The following CELF2 variants were observed in gnomAD, a reference collection of about 807,000 sequenced individuals.
CELF2 encodes CUGBP Elav-like family member 2, also known as CUG triplet repeat RNA-binding protein 2.
Under a neutral mutation model 62.6 loss-of-function variants are expected in CELF2, and 8 were observed. The ratio of observed to expected loss-of-function variants is 0.13; its 90% CI spans 0.07 to 0.23. The LOEUF (loss-of-function observed/expected upper bound fraction) is 0.23. Ranked by LOEUF, CELF2 falls within the 10% of genes least tolerant of loss-of-function variation. The pLI is 1.00. For synonymous variants in CELF2, 258 were observed against 250.0 expected, an observed-to-expected ratio of 1.03 and a Z score of -0.30; for missense variants, 333 against 671.0, an observed-to-expected ratio of 0.50 and a Z score of 5.56.
At position 11,315,849 on chromosome 10, in the gene CELF2, G is replaced by A. The variant is rs1041276064; in HGVS notation, c.1096+1591G>A. On this transcript the variant is annotated intron_variant, in intron 10 of 12. Transcript: ENST00000633077. This position sits in a 1 kb window ranked among gnomAD's most constrained non-coding sequence, Gnocchi z 5.8. The stretch of plus-strand genomic sequence containing the variant: ...ACCTAGGTCGAGGACGCGTGTGCTC[G>A]CACACATCCCCTCATGCTGCTTCTC... Among the ~76,000 whole-genome samples, 2 of 152,194 alleles carry A rather than the reference G, an allele frequency of 1.3e-5. No individual in the cohort carries two copies. Among genetic ancestry groups the A allele is most frequent in the African/African-American group, 2.4e-5 (1 of 41,450 alleles).
chr10:11,157,098 C>G lies in CELF2; in HGVS notation c.75-8388C>G, dbSNP rs1299444355. On this transcript the variant is annotated intron_variant, in intron 1 of 12. Coordinates refer to ENST00000633077, the MANE Select transcript of CELF2 (RefSeq NM_001326342.2). This position sits in a 1 kb window ranked among gnomAD's most constrained non-coding sequence, Gnocchi z 4.9. ...TGGAAGGTCCTTTGCGGAACAGGCT[C>G]CAGGGGGTGGCATTTCAAGAGCAGG... Among the ~76,000 whole-genome samples, 1 of 151,966 alleles carries G rather than the reference C, an allele frequency of 6.6e-6. No homozygotes were observed. Among genetic ancestry groups the G allele is most frequent in the African/African-American group, 2.4e-5 (1 of 41,350 alleles).
At chr10:10,723,280 G>T in the CELF2 span, among the ~76,000 whole-genome samples, 1 of 152,092 alleles carries the variant, frequency 6.6e-6, no homozygotes, top group Admixed American at 6.6e-5. Flanking sequence ...TAAAGTAAAC[G>T]TCAACTATGT....
chr10:10,937,804 G>A (rs1461399572), intron 2 of CELF2, among the ~76,000 whole-genome samples: 1 of 152,162 alleles, frequency 6.6e-6, no homozygotes, highest in Non-Finnish European at 1.5e-5. Context: ...GCTGTAGACA[G>A]TGTAAGTCTA....
At chr10:10,767,644 A>G in the CELF2 span, among the ~76,000 whole-genome samples, 3 of 152,140 alleles carry the variant, frequency 2.0e-5, no homozygotes, top group Non-Finnish European at 2.9e-5. Context: ...TTATCTCCCA[A>G]GGGGCCATAT....
At chr10:10,573,415 C>G in the CELF2 span, among the ~76,000 whole-genome samples, 1 of 152,212 alleles carries the variant, frequency 6.6e-6, no homozygotes, top group East Asian at 1.9e-4. Flanking sequence ...ATCATGAAAT[C>G]TTTGCCTTTA....
At chr10:10,848,469 C>G (rs373544515) in intron 1 of CELF2, among the ~76,000 whole-genome samples, 12 of 152,096 alleles carry the variant, frequency 7.9e-5, no homozygotes, top group East Asian at 3.9e-4. Context: ...ACCAGAAGAC[C>G]GCTTCTTGGG....
At chr10:10,965,468 G>A (rs1158487388) in intron 2 of CELF2, among the ~76,000 whole-genome samples, 1 of 152,194 alleles carries the variant, frequency 6.6e-6, no homozygotes, top group Non-Finnish European at 1.5e-5. Flanking sequence ...GCATGGATTA[G>A]AATCACCTAG....
At chr10:11,155,823 C>T (rs2064257374) in intron 1 of CELF2, among the ~76,000 whole-genome samples, 1 of 152,212 alleles carries the variant, frequency 6.6e-6, no homozygotes, top group African/African-American at 2.4e-5. Flanking sequence ...TCCAACCTCA[C>T]ACTGCTGGCT....
chr10:10,699,059 A>G, the CELF2 span, among the ~76,000 whole-genome samples: 6 of 151,966 alleles, frequency 3.9e-5, no homozygotes, highest in African/African-American at 1.5e-4. Context: ...ATCTACGTAT[A>G]TTTATATAAC....
At chr10:11,274,642 C>T (rs952795067) in intron 7 of CELF2, among the ~76,000 whole-genome samples, 1 of 152,102 alleles carries the variant, frequency 6.6e-6, no homozygotes, top group Non-Finnish European at 1.5e-5. Context: ...GTCAGTGAAC[C>T]AATGTGCTTC....
chr10:11,158,850 G>A (rs1260356165), intron 1 of CELF2, among the ~76,000 whole-genome samples: 3 of 152,132 alleles, frequency 2.0e-5, no homozygotes, highest in Non-Finnish European at 4.4e-5. Context: ...GAACACAAAT[G>A]TGTTATTTCT....
rs774383276 is a variant in CELF2 at position 11,197,025 on chromosome 10, AAAAGAAAG to A, written c.272-20372_272-20365del. On this transcript the variant is annotated intron_variant, in intron 2 of 12. Coordinates refer to ENST00000633077, the MANE Select transcript of CELF2 (RefSeq NM_001326342.2). ...AGGAGAAAGAAAGAAAGAAAGAAAGAAAAGAAAGAAAGAAAGAAAGAAAGAAAGAAAGA... is the reference window on the plus strand; with the variant it reads ...AGGAGAAAGAAAGAAAGAAAGAAAGAAAAGAAAGAAAGAAAGAAAGAAAGA... Among the ~76,000 whole-genome samples the A allele has an allele frequency of 3.9e-3, 103 of 26,132 alleles. 37 individuals are homozygous for A. Among genetic ancestry groups the A allele is most frequent in the Non-Finnish European group, 7.0e-3 (84 of 11,996 alleles). The allele number at this position is 26,132 out of a possible 152,430, so 17.1% of individuals were successfully genotyped here. A position where few individuals can be genotyped will look rare whatever the true frequency, so the allele number is the denominator to read the frequency against.
the CELF2 span, among the ~76,000 whole-genome samples, chr10:10,579,675 A>T: frequency 6.6e-6 from 1 of 152,160 alleles, no homozygotes; most frequent in African/African-American, 2.4e-5. Flanking sequence ...CCGGAATAGT[A>T]AAAATATTCA....
intron 2 of CELF2, among the ~76,000 whole-genome samples, chr10:10,994,856 G>C (rs561989393): frequency 6.6e-6 from 1 of 152,028 alleles, no homozygotes; most frequent in South Asian, 2.1e-4. Flanking sequence ...CTTCTATTCA[G>C]GCTTTCTTTT....
the CELF2 span, among the ~76,000 whole-genome samples, chr10:10,504,113 T>C: frequency 6.6e-6 from 1 of 152,104 alleles, no homozygotes; most frequent in Non-Finnish European, 1.5e-5. Context: ...CTGCCCAACA[T>C]AATTTTTAAA....
chr10:10,652,680 T>A, the CELF2 span, among the ~76,000 whole-genome samples: 1 of 151,394 alleles, frequency 6.6e-6, no homozygotes, highest in Non-Finnish European at 1.5e-5. Flanking sequence ...GCTGAGAGAT[T>A]TTGTCACCAC....
chr10:10,671,686 T>C, the CELF2 span, among the ~76,000 whole-genome samples: 193 of 152,266 alleles, frequency 1.3e-3, no homozygotes, highest in African/African-American at 4.4e-3. Flanking sequence ...TGATGACTTA[T>C]GGTGTGGTGA....
At chr10:11,005,298 G>A (rs1277001825), upstream of CELF2, 2 of 1,584,982 alleles carry the variant, frequency 1.3e-6, no homozygotes, top group African/African-American at 2.7e-5. This position sits in a 1 kb window ranked among gnomAD's most constrained non-coding sequence, Gnocchi z 4.3. Flanking sequence ...GAGAGAGGGA[G>A]GAGAGGGCGC....
At chr10:11,006,674 A>T (rs536813433) in intron 1 of CELF2, among the ~76,000 whole-genome samples, 1 of 152,214 alleles carries the variant, frequency 6.6e-6, no homozygotes, top group Non-Finnish European at 1.5e-5. Context: ...ATCCATGTAG[A>T]TAAACGGTTT....
Sources: allele counts gnomAD v4.1 joint callset (sites outside exome capture counted in the v4.1 genomes callset), GRCh38; gene constraint gnomAD v4.1.1; non-coding constraint Gnocchi (gnomAD v3.1); transcripts MANE v1.5; gene names NCBI Gene and HGNC (gene_info 2026-07-23, HGNC 2026-07-21).